Variants in KIZ observed in about 807,000 individuals in gnomAD.
KIZ encodes the protein centrosomal protein kizuna.
In KIZ, 68 loss-of-function variants were observed where a neutral mutation model predicts 79.6. The observed-to-expected ratio is 0.85, with a 90% CI of 0.70 to 1.05. KIZ has a LOEUF of 1.05. Among genes scored for constraint, KIZ ranks in the 50% least tolerant of loss-of-function variants. The probability of loss-of-function intolerance (pLI) is 0.00; values close to 1 mark genes in which losing one functional copy is unlikely to be tolerated. For missense variants in KIZ, 797 were observed against 800.4 expected, an observed-to-expected ratio of 1.00 and a Z score of 0.05; for synonymous variants, 280 against 281.8, an observed-to-expected ratio of 0.99 and a Z score of 0.06.
rs1470380315 is a variant in KIZ at position 21,246,482 on chromosome 20, T to C, written c.1928T>C (p.Leu643Pro). ...ACTGTCTGGTTTTATTTTCCAGCCC[T>C]CTGGGATGAGTCTGATGACAGTAAC... is the stretch of plus-strand genomic sequence containing the variant. ...KPVINLKSNA[L>P]WDESDDSNSE... Residue 643 changes from leucine (L) to proline (P), a missense_variant, in exon 13 of 13, where the codon CTC becomes CCC. Physicochemically the swap from Leu to Pro is moderately conservative, Grantham distance 98. Coordinates refer to ENST00000619189, the MANE Select transcript of KIZ (RefSeq NM_018474.6). 1.9e-6 allele frequency: 3 copies of C among 1,598,664 alleles called. No individual in the cohort carries two copies. The highest frequency in any genetic ancestry group is 2.6e-6 in the Non-Finnish European group (3 of 1,166,362).
chr20:21,241,843 T>C (rs925471930), intron 11 of KIZ, among the ~76,000 whole-genome samples: 1 of 152,236 alleles, frequency 6.6e-6, no homozygotes, highest in African/African-American at 2.4e-5. Flanking sequence ...TACAGCCTTG[T>C]GCATGACTTT....
intron 4 of KIZ, chr20:21,158,691 A>G (rs1186836603): frequency 6.6e-6 from 1 of 152,232 alleles, no homozygotes; most frequent in Non-Finnish European, 1.5e-5. Context: ...CTAGAGGACT[A>G]AAGGATCATG....
chr20:21,144,066 G>T (rs1336849188), intron 3 of KIZ: 1 of 152,050 alleles, frequency 6.6e-6, no homozygotes, highest in African/African-American at 2.4e-5. Flanking sequence ...TCTAAATTGG[G>T]CTTTTAAAGA....
At chr20:21,163,614 T>G (rs2033798996) in intron 6 of KIZ, among the ~76,000 whole-genome samples, 1 of 152,348 alleles carries the variant, frequency 6.6e-6, no homozygotes, top group African/African-American at 2.4e-5. Context: ...CCTTGCCATA[T>G]TATCATTTTT....
rs1194013252 is a variant in KIZ at position 21,162,057 on chromosome 20, G to A, written c.592G>A (p.Ala198Thr). 2.5e-6 allele frequency: 4 copies of A among 1,613,752 alleles called. No homozygotes were observed. Among genetic ancestry groups the A allele is most frequent in the East Asian group, 4.5e-5 (2 of 44,882 alleles). ...TGACCCACATTCACACCGACAGACA[G>A]CCCAGAGCAGTAATGTGACAGACAG... ...IPDPHSHRQT[A>T]QSSNVTDSCV... Residue 198 changes from alanine (A) to threonine (T), a missense_variant, in exon 5 of 13, where the codon GCC (alanine) becomes ACC (threonine). Physicochemically the swap from Ala to Thr is moderately conservative, Grantham distance 58. Transcript: ENST00000619189.
At position 21,244,297 on chromosome 20, in the gene KIZ, G is replaced by C; in HGVS notation, c.1924+9G>C. ...CAATTTAAAATCTAATGGTGAGAGAGATAATCGGACACTAGATTTTCTTTT... is the reference window on the plus strand; with the variant it reads ...CAATTTAAAATCTAATGGTGAGAGACATAATCGGACACTAGATTTTCTTTT... On this transcript the variant is annotated intron_variant, in intron 12 of 12. Coordinates refer to ENST00000619189, the MANE Select transcript of KIZ (RefSeq NM_018474.6). 1.9e-6 allele frequency: 3 copies of C among 1,580,718 alleles called. No homozygotes were observed. Among genetic ancestry groups the C allele is most frequent in the Non-Finnish European group, 2.6e-6 (3 of 1,151,442 alleles).
intron 1 of KIZ, among the ~76,000 whole-genome samples, chr20:21,127,314 T>C (rs2031545727): frequency 6.6e-6 from 1 of 152,238 alleles, no homozygotes; most frequent in African/African-American, 2.4e-5. Flanking sequence ...AATCTCTTCC[T>C]GTAGAGCCTT....
chr20:21,211,247 G>A (rs987319712), intron 7 of KIZ, among the ~76,000 whole-genome samples: 3 of 152,232 alleles, frequency 2.0e-5, no homozygotes, highest in Admixed American at 6.5e-5. Context: ...GAATAGTACT[G>A]TAGGTGTAAC....
At chr20:21,243,971 C>A (rs180953242) in intron 11 of KIZ, among the ~76,000 whole-genome samples, 7 of 152,266 alleles carry the variant, frequency 4.6e-5, no homozygotes, top group Admixed American at 4.6e-4. Context: ...AACACGTGGC[C>A]CCACACAGGC....
chr20:21,149,084 T>G (rs1440484596), intron 4 of KIZ, among the ~76,000 whole-genome samples: 1 of 152,194 alleles, frequency 6.6e-6, no homozygotes, highest in Non-Finnish European at 1.5e-5. Flanking sequence ...GATATTGTTG[T>G]CCCCATTTTA....
intron 6 of KIZ, among the ~76,000 whole-genome samples, chr20:21,170,851 C>G (rs182885207): frequency 1.3e-5 from 2 of 152,152 alleles, no homozygotes; most frequent in Admixed American, 1.3e-4. Flanking sequence ...TTTAGCTCCC[C>G]CAAATAAATG....
At chr20:21,206,594 G>C (rs2035838390) in intron 7 of KIZ, among the ~76,000 whole-genome samples, 1 of 152,354 alleles carries the variant, frequency 6.6e-6, no homozygotes, top group Admixed American at 6.5e-5. Flanking sequence ...TCTGGGGATG[G>C]TGAGAAGGAG....
chr20:21,148,093 G>T (rs1376699282), intron 4 of KIZ, among the ~76,000 whole-genome samples: 2 of 151,890 alleles, frequency 1.3e-5, no homozygotes, highest in African/African-American at 4.8e-5. Context: ...GATGAGCCTG[G>T]GGAGGAGTAC....
At chr20:21,246,307 G>A (rs2037384147) in intron 12 of KIZ, 172 bp from the exon 13 acceptor site, 3 of 611,742 alleles carry the variant, frequency 4.9e-6, no homozygotes, top group South Asian at 4.0e-5. Flanking sequence ...TGTGTAATTT[G>A]TGCAGTATGA....
chr20:21,189,562 G>A (rs966381962), intron 6 of KIZ, among the ~76,000 whole-genome samples: 5 of 152,206 alleles, frequency 3.3e-5, no homozygotes, highest in African/African-American at 1.2e-4. Context: ...TCATATGGGA[G>A]AGGGTTCGTT....
intron 4 of KIZ, among the ~76,000 whole-genome samples, chr20:21,146,518 C>T (rs1055722365): frequency 6.6e-6 from 1 of 152,210 alleles, no homozygotes; most frequent in Non-Finnish European, 1.5e-5. Context: ...ATAGAAGAAT[C>T]AACTGCTACT....
At chr20:21,125,988 C>T (rs1274808620), upstream of KIZ, 5 of 1,306,944 alleles carry the variant, frequency 3.8e-6, no homozygotes, top group African/African-American at 7.7e-5. Context: ...CCCACGGCGT[C>T]TTGCCCCGCC....
At chr20:21,172,598 C>CAA (rs200053185) in intron 6 of KIZ, among the ~76,000 whole-genome samples, 4 of 140,786 alleles carry the variant, frequency 2.8e-5, no homozygotes, top group African/African-American at 7.8e-5. Flanking sequence ...GACTCTGTCT[C>CAA]AAAAAAAAAA....
chr20:21,215,701 T>A, intron 9 of KIZ, 53 bp downstream of exon 9: 1 of 1,253,782 alleles, frequency 8.0e-7, no homozygotes, highest in Non-Finnish European at 1.1e-6. Flanking sequence ...CATTATTATA[T>A]AAGCGGAACA....
Sources: allele counts gnomAD v4.1 joint callset (sites outside exome capture counted in the v4.1 genomes callset), GRCh38; gene constraint gnomAD v4.1.1; transcripts MANE v1.5; gene names NCBI Gene and HGNC (gene_info 2026-07-23, HGNC 2026-07-21).